MAML2: variants seen among roughly 807,000 people sequenced by gnomAD.
MAML2 encodes the protein mastermind-like protein 2.
Under a neutral mutation model 96.1 loss-of-function variants are expected in MAML2, and 22 were observed. That is an observed-to-expected ratio of 0.23 (90% CI 0.16 to 0.33). The LOEUF (loss-of-function observed/expected upper bound fraction) is 0.33. Ranked by LOEUF, MAML2 falls within the 10% of genes least tolerant of loss-of-function variation. MAML2 has a pLI of 1.00. For synonymous variants in MAML2, 561 were observed against 521.3 expected (o/e 1.08, Z -1.04); for missense variants, 1,367 against 1,392.4 (o/e 0.98, Z 0.29).
chr11:96,095,261 G>A (rs1173717020), intron 1 of MAML2, among the ~76,000 whole-genome samples: 1 of 152,080 alleles, frequency 6.6e-6, no homozygotes, highest in Admixed American at 6.6e-5. Flanking sequence ...GAGGAATATG[G>A]GAATGGCCAG....
At chr11:96,287,578 T>G (rs1369238648) in intron 1 of MAML2, among the ~76,000 whole-genome samples, 1 of 152,226 alleles carries the variant, frequency 6.6e-6, no homozygotes, top group East Asian at 1.9e-4. Flanking sequence ...TTTTTTGTCT[T>G]GTCTTTAGTT....
intron 2 of MAML2, among the ~76,000 whole-genome samples, chr11:96,048,197 G>T (rs1228338092): frequency 6.6e-6 from 1 of 152,096 alleles, no homozygotes; most frequent in African/African-American, 2.4e-5. Flanking sequence ...CTTTTAAAAG[G>T]TTGCTGACAC....
chr11:96,278,049 G>A (rs1863014491), intron 1 of MAML2, among the ~76,000 whole-genome samples: 2 of 152,210 alleles, frequency 1.3e-5, no homozygotes, highest in East Asian at 3.9e-4. Flanking sequence ...ATCTGGGGCA[G>A]AGTCCAGTAA....
chr11:96,125,303 C>G (rs1042809424), intron 1 of MAML2, among the ~76,000 whole-genome samples: 4 of 152,068 alleles, frequency 2.6e-5, no homozygotes, highest in Admixed American at 1.3e-4. Flanking sequence ...GCTGTGAGGT[C>G]CCTGAGCCAC....
intron 1 of MAML2, among the ~76,000 whole-genome samples, chr11:96,226,207 G>A (rs1168286655): frequency 6.6e-6 from 1 of 152,176 alleles, no homozygotes; most frequent in African/African-American, 2.4e-5. Flanking sequence ...ATGATTTTAT[G>A]TCACAGGGAA....
At chr11:96,240,557 C>CAACAAAAAAAATAAAAAA (rs568304250) in intron 1 of MAML2, among the ~76,000 whole-genome samples, 1 of 51,090 alleles carries the variant, frequency 2.0e-5, no homozygotes, top group Non-Finnish European at 3.8e-5. Context: ...GACTCCGTCT[C>CAACAAAAAAAATAAAAAA]AAAAAAAAAA....
chr11:96,153,754 A>G (rs150958045), intron 1 of MAML2, among the ~76,000 whole-genome samples: 1 of 152,042 alleles, frequency 6.6e-6, no homozygotes, highest in African/African-American at 2.4e-5. Flanking sequence ...TACTAAAAAT[A>G]CAAAAAATTT....
intron 1 of MAML2, among the ~76,000 whole-genome samples, chr11:96,335,798 T>C (rs1044299615): frequency 5.9e-5 from 9 of 152,138 alleles, no homozygotes; most frequent in Non-Finnish European, 1.3e-4. Flanking sequence ...ATCAATCTCA[T>C]TTGTCCCCCT....
intron 4 of MAML2, among the ~76,000 whole-genome samples, chr11:95,983,988 A>G (rs680664): frequency 0.24 from 36,620 of 152,058 alleles, 6,832 homozygotes; most frequent in African/African-American, 0.53. Flanking sequence ...TTGCATTCAC[A>G]CGCCACTCAC....
Position 96,211,023 on chromosome 11 carries a change from T to G in MAML2, c.514-117506A>C, listed in dbSNP as rs181329030. On this transcript the variant is annotated intron_variant, in intron 1 of 4. Coordinates refer to ENST00000524717, the MANE Select transcript of MAML2 (RefSeq NM_032427.4). ...TTATTGGACTACATTTAGATTTATATCCTTACCTATCTTTGGATTTTATAT... is the reference window on the plus strand; with the variant it reads ...TTATTGGACTACATTTAGATTTATAGCCTTACCTATCTTTGGATTTTATAT... 1.3e-3 allele frequency among the ~76,000 whole-genome samples: 200 copies of G among 152,314 alleles called. 2 individuals carry two copies. Among genetic ancestry groups the G allele is most frequent in the Admixed American group, 0.012 (182 of 15,294 alleles).
At chr11:96,227,654 G>T (rs888042745) in intron 1 of MAML2, among the ~76,000 whole-genome samples, 2 of 152,120 alleles carry the variant, frequency 1.3e-5, no homozygotes, top group Admixed American at 6.5e-5. Flanking sequence ...TGGGTAAAAT[G>T]GAAATAATAA....
chr11:96,342,141 A>G lies in MAML2; in HGVS notation c.-246T>C. 1 of 521,710 alleles carries G rather than the reference A, an allele frequency of 1.9e-6. No homozygotes were observed. Among genetic ancestry groups the G allele is most frequent in the South Asian group, 3.2e-5 (1 of 31,110 alleles). The allele number at this position is 521,710 out of a possible 1,614,324, so 32.3% of individuals were successfully genotyped here. ...ATAAGTTGGAAACAAACCCTGATTAACTTACTCTAATTGCATTTGACAGCT... is the reference window on the plus strand; with the variant it reads ...ATAAGTTGGAAACAAACCCTGATTAGCTTACTCTAATTGCATTTGACAGCT... On this transcript the variant is annotated 5_prime_UTR_variant, in exon 1 of 5. Coordinates refer to ENST00000524717, the MANE Select transcript of MAML2 (RefSeq NM_032427.4).
intron 1 of MAML2, among the ~76,000 whole-genome samples, chr11:96,256,909 G>C (rs1862676415): frequency 6.6e-6 from 1 of 152,210 alleles, no homozygotes; most frequent in Admixed American, 6.5e-5. Context: ...TGTGAAGACA[G>C]AGGACACCCC....
intron 1 of MAML2, among the ~76,000 whole-genome samples, chr11:96,104,849 G>C (rs1045879200): frequency 1.3e-5 from 2 of 151,872 alleles, no homozygotes; most frequent in Non-Finnish European, 2.9e-5. Flanking sequence ...CAATGAAAGG[G>C]GGAGGGAGAA....
At chr11:96,183,650 T>A (rs1200961476) in intron 1 of MAML2, among the ~76,000 whole-genome samples, 1 of 151,336 alleles carries the variant, frequency 6.6e-6, no homozygotes, top group East Asian at 1.9e-4. Flanking sequence ...GCTCAAATGA[T>A]CCTCCCGCCT....
chr11:96,204,508 T>C (rs1374722379), intron 1 of MAML2, among the ~76,000 whole-genome samples: 1 of 152,236 alleles, frequency 6.6e-6, no homozygotes, highest in Non-Finnish European at 1.5e-5. Context: ...AGGGAATTGC[T>C]GACACACAGC....
chr11:96,119,293 T>C (rs1666007158), intron 1 of MAML2, among the ~76,000 whole-genome samples: 2 of 152,202 alleles, frequency 1.3e-5, no homozygotes, highest in African/African-American at 4.8e-5. Context: ...GTGAATGTCA[T>C]GTAATCACAA....
intron 1 of MAML2, among the ~76,000 whole-genome samples, chr11:96,288,557 A>C (rs919891897): frequency 6.6e-5 from 10 of 151,888 alleles, no homozygotes; most frequent in South Asian, 2.1e-4. Context: ...AAAAAAAAAA[A>C]AAAACAACCA....
At position 96,342,279 on chromosome 11, in the gene MAML2, G is replaced by C. The variant is rs116794369; in HGVS notation, c.-384C>G. 4.8e-3 allele frequency: 2,075 copies of C among 430,402 alleles called. 33 individuals are homozygous for C. The highest frequency in any genetic ancestry group is 0.039 in the African/African-American group (1,915 of 49,554). The allele number at this position is 430,402 out of a possible 1,614,324, so 26.7% of individuals were successfully genotyped here. On this transcript the variant is annotated 5_prime_UTR_variant, in exon 1 of 5. Transcript: ENST00000524717. The stretch of plus-strand genomic sequence containing the variant: ...GGGTTAGATCAAGAATTCAGGGATT[G>C]TCCAGCAAGAGACAGAAACACACAG...
Sources: allele counts gnomAD v4.1 joint callset (sites outside exome capture counted in the v4.1 genomes callset), GRCh38; gene constraint gnomAD v4.1.1; transcripts MANE v1.5; gene names NCBI Gene and HGNC (gene_info 2026-07-23, HGNC 2026-07-21).